The following MTMR7 variants were observed in gnomAD, a reference collection of about 807,000 sequenced individuals.
MTMR7 encodes the protein phosphatidylinositol-3-phosphate phosphatase MTMR7.
In MTMR7, 76 loss-of-function variants were observed where a neutral mutation model predicts 81.2. The observed-to-expected ratio is 0.94, with a 90% CI of 0.78 to 1.13. The LOEUF (loss-of-function observed/expected upper bound fraction) is 1.13, where lower values mean the gene tolerates loss of function less well. MTMR7 is among the 50% of genes most tolerant of loss of function. The pLI is 0.00. For missense variants in MTMR7, 1,044 were observed against 820.0 expected (o/e 1.27, Z -3.34); for synonymous variants, 372 against 289.8 (o/e 1.28, Z -2.88).
intron 7 of MTMR7, among the ~76,000 whole-genome samples, chr8:17,316,655 AT>A (rs1020178987): frequency 1.1e-4 from 17 of 152,188 alleles, no homozygotes; most frequent in African/African-American, 3.9e-4. Context: ...TTTGAAAAAA[AT>A]AAAAATAACA....
chr8:17,395,565 A>G (rs1025718760), intron 1 of MTMR7, among the ~76,000 whole-genome samples: 2 of 152,180 alleles, frequency 1.3e-5, no homozygotes, highest in Admixed American at 1.3e-4. Flanking sequence ...ATTTCTCCAC[A>G]ACCTTTGCCA....
At chr8:17,308,428 G>C (rs189489772) in intron 10 of MTMR7, among the ~76,000 whole-genome samples, 1 of 152,114 alleles carries the variant, frequency 6.6e-6, no homozygotes, top group Non-Finnish European at 1.5e-5. Context: ...TAGAAAAATA[G>C]AATTCCTGAA....
chr8:17,378,890 T>C (rs1307477064), intron 1 of MTMR7, among the ~76,000 whole-genome samples: 1 of 152,138 alleles, frequency 6.6e-6, no homozygotes, highest in Admixed American at 6.5e-5. Context: ...AAATTTAGTC[T>C]TTAGCACATA....
intron 7 of MTMR7, among the ~76,000 whole-genome samples, chr8:17,322,095 C>G (rs1818420797): frequency 6.6e-6 from 1 of 151,192 alleles, no homozygotes. Context: ...ATATACAGCC[C>G]TCCCTTGATT....
chr8:17,394,532 G>C (rs993182269), intron 1 of MTMR7, among the ~76,000 whole-genome samples: 23 of 152,142 alleles, frequency 1.5e-4, no homozygotes, highest in Non-Finnish European at 2.9e-4. Context: ...GGTGTAGGGA[G>C]AGAGAAAGGA....
chr8:17,315,960 C>T (rs530477076), intron 7 of MTMR7, among the ~76,000 whole-genome samples: 1 of 152,316 alleles, frequency 6.6e-6, no homozygotes, highest in East Asian at 1.9e-4. Flanking sequence ...CTGCAGTGAG[C>T]TATGATCTTG....
chr8:17,403,921 C>T (rs1239664453), intron 1 of MTMR7, among the ~76,000 whole-genome samples: 3 of 152,170 alleles, frequency 2.0e-5, no homozygotes, highest in East Asian at 3.8e-4. Context: ...ATTTTGATTT[C>T]GTATCTTGCA....
rs1334299717 is a variant in MTMR7, at chr8:17,299,852, A to G, written c.*10T>C. 6.8e-6 allele frequency: 11 copies of G among 1,613,260 alleles called. No individual in the cohort carries two copies. The highest frequency in any genetic ancestry group is 1.6e-4 in the Middle Eastern group (1 of 6,074). On this transcript the variant is annotated 3_prime_UTR_variant, in exon 14 of 14. Transcript: ENST00000180173. ...ATGTGTCCTTTACTTTGGAACTCCA[A>G]AGGGAAACTTCAGGCAGTGAGAAAC...
intron 5 of MTMR7, among the ~76,000 whole-genome samples, chr8:17,342,900 C>T (rs557110873): frequency 2.6e-5 from 4 of 151,904 alleles, no homozygotes; most frequent in African/African-American, 9.7e-5. Flanking sequence ...GAATGGCAAG[C>T]GACGGCAAGG....
intron 1 of MTMR7, among the ~76,000 whole-genome samples, chr8:17,376,004 A>G (rs546312078): frequency 1.3e-5 from 2 of 152,322 alleles, no homozygotes; most frequent in East Asian, 3.9e-4. Context: ...CTGTGCAAAC[A>G]TTAACGCACT....
chr8:17,360,870 T>C (rs1266234146), intron 4 of MTMR7, among the ~76,000 whole-genome samples: 4 of 152,140 alleles, frequency 2.6e-5, no homozygotes, highest in Non-Finnish European at 5.9e-5. Context: ...CCGGCCTCTC[T>C]GGGTTTCAAG....
chr8:17,336,939 G>A (rs1298718585), intron 6 of MTMR7, among the ~76,000 whole-genome samples: 1 of 152,182 alleles, frequency 6.6e-6, no homozygotes, highest in East Asian at 1.9e-4. Flanking sequence ...AGATAAGCCT[G>A]GATGTGAATC....
intron 10 of MTMR7, among the ~76,000 whole-genome samples, chr8:17,306,676 G>A (rs145911548): frequency 2.1e-4 from 32 of 152,208 alleles, no homozygotes; most frequent in Non-Finnish European, 2.6e-4. Flanking sequence ...ATAGAACCCC[G>A]TGTTAGTAAG....
intron 13 of MTMR7, 130 bp downstream of exon 13, chr8:17,302,024 T>C: frequency 8.4e-7 from 1 of 1,191,412 alleles, no homozygotes; most frequent in South Asian, 1.4e-5. Context: ...GATGGGGTTG[T>C]GTTTCAGGTG....
rs1397963716 is a variant in MTMR7 at position 17,311,784 on chromosome 8, A to C, written c.976-148T>G. 4 of 1,268,548 alleles carry C rather than the reference A, an allele frequency of 3.2e-6. No homozygotes were observed. In the Admixed American group the frequency reaches 8.4e-5, roughly 27 times the overall value. 78.6% of individuals were successfully genotyped at this position (1,268,548 alleles called of 1,614,324 possible). ...ATTCGTCTGTTTAGGGCCCCCCCTA[A>C]TTAGGGCAGAGCCAGAGTGGCCTGG... On this transcript the variant is annotated intron_variant, in intron 8 of 13. Transcript: ENST00000180173.
At chr8:17,321,393 A>T (rs1185116281) in intron 7 of MTMR7, among the ~76,000 whole-genome samples, 2 of 152,256 alleles carry the variant, frequency 1.3e-5, no homozygotes, top group African/African-American at 4.8e-5. Context: ...CTTCTTGTTC[A>T]ACATTTCTGT....
chr8:17,396,558 C>A (rs1479282199), intron 1 of MTMR7, among the ~76,000 whole-genome samples: 1 of 152,188 alleles, frequency 6.6e-6, no homozygotes, highest in African/African-American at 2.4e-5. Context: ...GGGAAATTGC[C>A]TATCCCAGTG....
chr8:17,360,681 T>C (rs1186443760), intron 4 of MTMR7, among the ~76,000 whole-genome samples: 1 of 152,046 alleles, frequency 6.6e-6, no homozygotes, highest in Non-Finnish European at 1.5e-5. Flanking sequence ...GGGAAGCCTC[T>C]TGGTGACCTT....
intron 1 of MTMR7, among the ~76,000 whole-genome samples, chr8:17,401,618 T>C (rs548081979): frequency 1.3e-5 from 2 of 152,034 alleles, no homozygotes; most frequent in South Asian, 2.1e-4. Context: ...AACAGGGTGG[T>C]AGGAATGGAG....
Sources: gnomAD v4.1 joint callset for allele counts (sites outside exome capture counted in the v4.1 genomes callset) on GRCh38, gnomAD v4.1.1 for gene constraint, MANE v1.5 for transcripts, NCBI Gene and HGNC (gene_info 2026-07-23, HGNC 2026-07-21) for gene names.